The following PIBF1 variants were observed in gnomAD, a reference collection of about 807,000 sequenced individuals.
PIBF1 encodes progesterone immunomodulatory binding factor 1, also known as progesterone-induced-blocking factor 1.
A neutral mutation model predicts 112.5 loss-of-function variants in PIBF1; 90 were observed. That is an observed-to-expected ratio of 0.80 (90% confidence interval 0.67 to 0.95). PIBF1 has a LOEUF of 0.95. Ranked by LOEUF, PIBF1 falls within the 40% of genes least tolerant of loss-of-function variation. The pLI is 0.00. For missense variants in PIBF1, 915 were observed against 852.3 expected (o/e 1.07, Z -0.92); for synonymous variants, 301 against 288.6 (o/e 1.04, Z -0.44).
At chr13:73,002,731 C>A (rs1443034116) in intron 17 of PIBF1, among the ~76,000 whole-genome samples, 1 of 152,080 alleles carries the variant, frequency 6.6e-6, no homozygotes, top group Non-Finnish European at 1.5e-5. Flanking sequence ...CACCTGTAAT[C>A]CCAGCACTTT....
At chr13:72,811,335 A>G (rs1016727293) in intron 5 of PIBF1, among the ~76,000 whole-genome samples, 4 of 152,032 alleles carry the variant, frequency 2.6e-5, no homozygotes, top group African/African-American at 9.7e-5. Context: ...GGGCACCATG[A>G]CTCACTGCTA....
chr13:72,826,972 G>C (rs1425202555), intron 6 of PIBF1, 38 bp from the exon 7 acceptor site: 2 of 1,307,676 alleles, frequency 1.5e-6, no homozygotes, highest in Non-Finnish European at 2.2e-6. Context: ...ACAAGGGGAT[G>C]TAAAATTTAC....
intron 16 of PIBF1, among the ~76,000 whole-genome samples, chr13:72,985,950 G>A (rs1038993970): frequency 6.6e-6 from 1 of 152,000 alleles, no homozygotes; most frequent in African/African-American, 2.4e-5. Flanking sequence ...CAGGAGTTGT[G>A]TACTAGCCTG....
intron 13 of PIBF1, among the ~76,000 whole-genome samples, chr13:72,918,508 C>G (rs2041178382): frequency 6.6e-6 from 1 of 150,978 alleles, no homozygotes; most frequent in Non-Finnish European, 1.5e-5. Flanking sequence ...CTGCCTCAGT[C>G]TCCCAAGTAG....
At chr13:72,986,940 C>T (rs1023554853) in intron 16 of PIBF1, among the ~76,000 whole-genome samples, 1 of 152,114 alleles carries the variant, frequency 6.6e-6, no homozygotes, top group Non-Finnish European at 1.5e-5. Context: ...ATCCACCTGC[C>T]TCGGCCTCCC....
chr13:73,005,703 G>A (rs909578548), intron 17 of PIBF1, among the ~76,000 whole-genome samples: 18 of 152,038 alleles, frequency 1.2e-4, no homozygotes, highest in African/African-American at 3.1e-4. Flanking sequence ...CTAGGGTAGC[G>A]TCATCACAGA....
At chr13:72,979,525 CCT>C (rs1376489408) in intron 16 of PIBF1, among the ~76,000 whole-genome samples, 3 of 152,098 alleles carry the variant, frequency 2.0e-5, no homozygotes, top group East Asian at 3.9e-4. Flanking sequence ...GGGAAGAACA[CCT>C]CTTAGGAAGC....
chr13:72,832,806 A>G (rs1478277309), intron 8 of PIBF1, among the ~76,000 whole-genome samples: 1 of 152,142 alleles, frequency 6.6e-6, no homozygotes, highest in African/African-American at 2.4e-5. Context: ...CTAGATTTGA[A>G]TGTTGGCCTG....
At chr13:72,904,429 A>ATTTTTTTTTTTTTTTTTTTTT (rs1240090172) in intron 11 of PIBF1, among the ~76,000 whole-genome samples, 5 of 51,086 alleles carry the variant, frequency 9.8e-5, no homozygotes, top group African/African-American at 2.6e-4. Context: ...ATATCAAAAT[A>ATTTTTTTTTTTTTTTTTTTTT]TTTCTTTTTT....
At chr13:72,896,377 A>G (rs1328728920) in intron 11 of PIBF1, among the ~76,000 whole-genome samples, 1 of 152,170 alleles carries the variant, frequency 6.6e-6, no homozygotes, top group Non-Finnish European at 1.5e-5. Flanking sequence ...CAACCCTGGT[A>G]ATATAACAAA....
chr13:72,885,313 T>C (rs2039804740), intron 10 of PIBF1, among the ~76,000 whole-genome samples: 1 of 152,142 alleles, frequency 6.6e-6, no homozygotes, highest in Non-Finnish European at 1.5e-5. Flanking sequence ...CACCTAAACC[T>C]GGAAACAATA....
intron 6 of PIBF1, among the ~76,000 whole-genome samples, chr13:72,824,025 T>C (rs1200398822): frequency 6.6e-6 from 1 of 151,982 alleles, no homozygotes; most frequent in Non-Finnish European, 1.5e-5. Flanking sequence ...TGATACTTCT[T>C]TTTTTTGAGA....
intron 17 of PIBF1, among the ~76,000 whole-genome samples, chr13:73,007,963 A>G (rs1158549354): frequency 6.6e-6 from 1 of 152,222 alleles, no homozygotes; most frequent in Non-Finnish European, 1.5e-5. Flanking sequence ...ACTAATGGCT[A>G]GCACATTACT....
At chr13:72,842,053 A>G (rs1431165335) in intron 9 of PIBF1, among the ~76,000 whole-genome samples, 1 of 152,224 alleles carries the variant, frequency 6.6e-6, no homozygotes, top group Non-Finnish European at 1.5e-5. Flanking sequence ...TCTCCATAGC[A>G]TTTAACCAGT....
At chr13:72,855,746 C>T (rs572293121) in intron 10 of PIBF1, among the ~76,000 whole-genome samples, 6 of 152,086 alleles carry the variant, frequency 3.9e-5, no homozygotes, top group East Asian at 1.9e-4. Flanking sequence ...TCCTATAAAG[C>T]GTTTGTTTTA....
At chr13:72,989,856 G>A (rs1305998914) in intron 16 of PIBF1, among the ~76,000 whole-genome samples, 1 of 151,942 alleles carries the variant, frequency 6.6e-6, no homozygotes, top group Admixed American at 6.6e-5. Flanking sequence ...TGGAAAGTGG[G>A]GACTCAGTAT....
intron 6 of PIBF1, 104 bp downstream of exon 6, chr13:72,822,086 ATTC>A (rs1198278760): frequency 8.8e-6 from 9 of 1,025,446 alleles, no homozygotes; most frequent in African/African-American, 1.7e-5. Context: ...CTTTTACCTT[ATTC>A]TTCTTTGCAC....
chr13:72,911,121 G>A (rs2040877983), intron 12 of PIBF1, among the ~76,000 whole-genome samples: 1 of 151,948 alleles, frequency 6.6e-6, no homozygotes, highest in Non-Finnish European at 1.5e-5. Flanking sequence ...AAGCCTGTAG[G>A]GTGCGATGAT....
intron 14 of PIBF1, among the ~76,000 whole-genome samples, chr13:72,957,097 A>G (rs796276282): frequency 1.6e-4 from 24 of 152,312 alleles, no homozygotes; most frequent in African/African-American, 5.8e-4. Flanking sequence ...AATATGGAAA[A>G]CTGTGTAGCT....
Sources: allele counts gnomAD v4.1 joint callset (sites outside exome capture counted in the v4.1 genomes callset), GRCh38; gene constraint gnomAD v4.1.1; transcripts MANE v1.5; gene names NCBI Gene and HGNC (gene_info 2026-07-23, HGNC 2026-07-21).